Variants in SYCP2L observed in about 807,000 individuals in gnomAD.
The protein encoded by SYCP2L is synaptonemal complex protein 2 like, also known as synaptonemal complex protein 2-like.
A neutral mutation model predicts 125.8 loss-of-function variants in SYCP2L; 98 were observed. The observed-to-expected ratio is 0.78, with a 90% CI of 0.66 to 0.92. The LOEUF (loss-of-function observed/expected upper bound fraction) is 0.92, where lower values mean the gene tolerates loss of function less well. SYCP2L is among the 40% of genes least tolerant of loss of function. The probability of loss-of-function intolerance (pLI) is 0.00; values close to 1 mark genes in which losing one functional copy is unlikely to be tolerated. For missense variants in SYCP2L, 842 were observed against 936.4 expected, an observed-to-expected ratio of 0.90 and a Z score of 1.32; for synonymous variants, 317 against 325.4, an observed-to-expected ratio of 0.97 and a Z score of 0.28.
At chr6:10,933,018 T>A (rs1177784986) in intron 20 of SYCP2L, among the ~76,000 whole-genome samples, 1 of 152,118 alleles carries the variant, frequency 6.6e-6, no homozygotes, top group Non-Finnish European at 1.5e-5. Context: ...CCTCCCAAAG[T>A]GCTGGGATTA....
At chr6:10,935,308 TTTACC>T in intron 21 of SYCP2L, 121 bp downstream of exon 21, 2 of 1,036,488 alleles carry the variant, frequency 1.9e-6, no homozygotes, top group East Asian at 5.3e-5. Flanking sequence ...AACATTGTTC[TTTACC>T]TTAATGTCTC....
intron 2 of SYCP2L, 30 bp downstream of exon 2, chr6:10,891,611 CTCTGTGTGTGTGTGTGTG>C: frequency 5.4e-5 from 7 of 129,912 alleles, no homozygotes; most frequent in Admixed American, 5.3e-4. Flanking sequence ...TATAATCTCT[CTCTGTGTGTGTGTGTGTG>C]TGTGTGTGTG....
At chr6:10,958,691 A>G in intron 25 of SYCP2L, 93 bp from the exon 26 acceptor site, 3 of 1,155,756 alleles carry the variant, frequency 2.6e-6, no homozygotes, top group Non-Finnish European at 3.7e-6. Flanking sequence ...GAATATTATT[A>G]CATGCTGGCA....
Position 10,926,326 on chromosome 6 carries a change from T to A in SYCP2L, c.1219-13T>A. 5 of 1,601,294 alleles carry A rather than the reference T, an allele frequency of 3.1e-6. No individual in the cohort carries two copies. Among genetic ancestry groups the A allele is most frequent in the Non-Finnish European group, 4.3e-6 (5 of 1,171,650 alleles). On this transcript the variant is annotated splice_polypyrimidine_tract_variant and intron_variant, in intron 15 of 29. Coordinates refer to ENST00000283141, the MANE Select transcript of SYCP2L (RefSeq NM_001040274.3). ...GACTACATTTCAAAGTTGACCTTTG[T>A]CTTGCATTTCAGATGTTGCCTGACC...
intron 9 of SYCP2L, among the ~76,000 whole-genome samples, chr6:10,907,160 A>G (rs537033553): frequency 6.6e-6 from 1 of 152,204 alleles, no homozygotes; most frequent in Non-Finnish European, 1.5e-5. Context: ...CCTGGCCAAC[A>G]TGGCAAAACC....
chr6:10,948,039 C>T (rs1218355890), intron 23 of SYCP2L, among the ~76,000 whole-genome samples: 1 of 151,876 alleles, frequency 6.6e-6, no homozygotes, highest in African/African-American at 2.4e-5. Flanking sequence ...CTTTTTTTCC[C>T]TCCAGCTTTA....
At chr6:10,892,437 C>T (rs1780188651) in intron 2 of SYCP2L, among the ~76,000 whole-genome samples, 1 of 152,160 alleles carries the variant, frequency 6.6e-6, no homozygotes, top group South Asian at 2.1e-4. Flanking sequence ...GTAGCTGTGA[C>T]TACAGCCATG....
intron 14 of SYCP2L, among the ~76,000 whole-genome samples, chr6:10,913,943 T>C (rs561036636): frequency 1.1e-3 from 168 of 152,150 alleles, no homozygotes; most frequent in African/African-American, 4.0e-3. Flanking sequence ...GCAATTCTTG[T>C]GCTTTGGCCT....
chr6:10,927,299 C>T lies in SYCP2L; in HGVS notation c.1372C>T (p.Leu458=), dbSNP rs189336429. Reference sequence around the variant, plus strand: ...TATGAGTGCTGAAGATGACCGCTGCCTAATAACTCTCCACTTAAATGACCA... The same window carrying T: ...TATGAGTGCTGAAGATGACCGCTGCTTAATAACTCTCCACTTAAATGACCA... ...EFMSAEDDRC[L]ITLHLNDQSE... The change falls in exon 17 of 30, where the codon CTA becomes TTA. Residue 458 remains leucine, a synonymous_variant. Coordinates refer to ENST00000283141, the MANE Select transcript of SYCP2L (RefSeq NM_001040274.3). 45 of 1,614,106 alleles carry T rather than the reference C, an allele frequency of 2.8e-5. No homozygotes were observed. The African/African-American group carries it at 4.1e-4, about 15-fold the overall frequency.
intron 18 of SYCP2L, among the ~76,000 whole-genome samples, chr6:10,928,978 G>A (rs12203306): frequency 0.22 from 32,915 of 149,696 alleles, 3,835 homozygotes; most frequent in African/African-American, 0.26. Flanking sequence ...TGCCACCTCC[G>A]CCTTCTGGGT....
Position 10,887,067 on chromosome 6 carries a change from G to A in SYCP2L, c.-60G>A. Reference sequence around the variant, plus strand: ...GCTCTTGGGCGGGGAAGCAGGAGAGGGCCGACCGAGCGCAACAAAGCTGAG... The same window carrying A: ...GCTCTTGGGCGGGGAAGCAGGAGAGAGCCGACCGAGCGCAACAAAGCTGAG... On this transcript the variant is annotated 5_prime_UTR_variant, in exon 1 of 30. Coordinates refer to ENST00000283141, the MANE Select transcript of SYCP2L (RefSeq NM_001040274.3). 1 of 1,612,372 alleles carries A rather than the reference G, an allele frequency of 6.2e-7. No homozygotes were observed.
Position 10,942,753 on chromosome 6 carries a change from G to GA in SYCP2L, c.1954+9dup. 1 of 1,553,124 alleles carries GA rather than the reference G, an allele frequency of 6.4e-7. No homozygotes were observed. The highest frequency in any genetic ancestry group is 1.5e-5 in the African/African-American group (1 of 67,084). On this transcript the variant is annotated splice_region_variant and intron_variant, in intron 23 of 29. Coordinates refer to ENST00000283141, the MANE Select transcript of SYCP2L (RefSeq NM_001040274.3). ...AGAAACTTGGAAGACAAAGGTAAGA[G>GA]AATAGTACTTTTTTTTTTTTTTTTG...
At chr6:10,910,659 T>C (rs1214091425) in intron 11 of SYCP2L, among the ~76,000 whole-genome samples, 165 bp from the exon 12 acceptor site, 3 of 152,170 alleles carry the variant, frequency 2.0e-5, no homozygotes, top group African/African-American at 7.2e-5. Flanking sequence ...AGATTTGAAA[T>C]CTACCCATAG....
At chr6:10,893,422 T>C (rs1780207867) in intron 2 of SYCP2L, among the ~76,000 whole-genome samples, 1 of 152,266 alleles carries the variant, frequency 6.6e-6, no homozygotes, top group Non-Finnish European at 1.5e-5. Flanking sequence ...TTCTTCCTTC[T>C]ATTATGATCA....
intron 1 of SYCP2L, among the ~76,000 whole-genome samples, chr6:10,890,021 T>C (rs1780148481): frequency 6.6e-6 from 1 of 152,222 alleles, no homozygotes; most frequent in Admixed American, 6.5e-5. Flanking sequence ...GGCTCATGCA[T>C]GTTACCATGA....
intron 21 of SYCP2L, among the ~76,000 whole-genome samples, chr6:10,941,342 A>G (rs1163802724): frequency 6.6e-6 from 1 of 152,228 alleles, no homozygotes; most frequent in Non-Finnish European, 1.5e-5. Context: ...CAGCAAAAGA[A>G]ACCACCATCA....
chr6:10,956,147 A>T lies in SYCP2L; in HGVS notation c.2068A>T (p.Thr690Ser). The T allele has an allele frequency of 4.3e-6, 7 of 1,613,522 alleles. No homozygotes were observed. Among genetic ancestry groups the T allele is most frequent in the Non-Finnish European group, 5.9e-6 (7 of 1,179,678 alleles). The change falls in exon 25 of 30, where the codon ACT becomes TCT. Residue 690 changes from threonine to serine, a missense_variant. Physicochemically the swap from Thr to Ser is moderately conservative, Grantham distance 58 (BLOSUM62 1). Transcript: ENST00000283141. Reference protein sequence around the residue: ...EERELPEGISTSSLEVVPENL... With the variant: ...EERELPEGISSSSLEVVPENL... ...TTTTTGTTTTCCAGAAGGAATTTCC[A>T]CTTCATCCCTAGAAGTTGTGCCAGA...
In SYCP2L at chr6:10,941,054, G is replaced by A. The variant is rs560715066; in HGVS notation, c.1814-1405G>A. ...CTGACAAAAACAAGAAATGGGGAAA[G>A]GATTCCCTATTTAATAAGTGGTGCT... On this transcript the variant is annotated intron_variant, in intron 21 of 29. Transcript: ENST00000283141. 1.9e-4 allele frequency among the ~76,000 whole-genome samples: 29 copies of A among 152,218 alleles called. No homozygotes were observed. The South Asian group carries it at 5.8e-3, about 30-fold the overall frequency.
chr6:10,971,274 T>C (rs1316499558), intron 29 of SYCP2L, among the ~76,000 whole-genome samples: 7 of 151,842 alleles, frequency 4.6e-5, no homozygotes, highest in African/African-American at 1.5e-4. Flanking sequence ...CTGGCTAACA[T>C]GGTGAAACCC....
Sources: allele counts gnomAD v4.1 joint callset (sites outside exome capture counted in the v4.1 genomes callset), GRCh38; gene constraint gnomAD v4.1.1; transcripts MANE v1.5; gene names NCBI Gene and HGNC (gene_info 2026-07-23, HGNC 2026-07-21).